The following BRPF1 variants were observed in gnomAD, a reference collection of about 807,000 sequenced individuals.
The protein encoded by BRPF1 is bromodomain and PHD finger containing 1.
A neutral mutation model predicts 115.0 loss-of-function variants in BRPF1; 15 were observed. The ratio of observed to expected loss-of-function variants is 0.13; its 90% CI spans 0.09 to 0.20. BRPF1 has a LOEUF of 0.20. Ranked by LOEUF, BRPF1 falls within the 10% of genes least tolerant of loss-of-function variation. BRPF1 has a pLI of 1.00. For missense variants in BRPF1, 1,118 were observed against 1,638.3 expected, an observed-to-expected ratio of 0.68 and a Z score of 5.48; for synonymous variants, 647 against 619.8, an observed-to-expected ratio of 1.04 and a Z score of -0.65.
Position 9,739,681 on chromosome 3 carries a change from G to C in BRPF1, c.1282G>C (p.Glu428Gln). Residue 428 changes from glutamate (E) to glutamine (Q), a missense_variant, in exon 3 of 14, where the codon GAG (glutamate) becomes CAG (glutamine). By Grantham distance (29) the Glu-to-Gln change is conservative. Transcript: ENST00000383829. ...GLYMKMEPVR[E>Q]TGANGTSFSV... The stretch of plus-strand genomic sequence containing the variant: ...TTACATGAAGATGGAGCCTGTGCGG[G>C]AGACAGGCGCCAACGGCACCTCTTT... 1 of 1,613,324 alleles carries C rather than the reference G, an allele frequency of 6.2e-7. No individual in the cohort carries two copies. Among genetic ancestry groups the C allele is most frequent in the Non-Finnish European group, 8.5e-7 (1 of 1,179,242 alleles).
Position 9,743,721 on chromosome 3 carries a change from A to G in BRPF1, c.2455A>G (p.Lys819Glu). The change falls in exon 8 of 14, where the codon AAG (lysine) becomes GAG (glutamate). Residue 819 changes from lysine to glutamate, a missense_variant. Coordinates refer to ENST00000383829, the MANE Select transcript of BRPF1 (RefSeq NM_001003694.2). The surrounding 1 kb of genome is among the most constrained non-coding windows in gnomAD (Gnocchi z 6.1). ...VGRSRRAKMI[K>E]KEMTALRRKL... is the part of the protein sequence containing the mutation. The stretch of plus-strand genomic sequence containing the variant: ...CCGCTCACGGCGTGCAAAGATGATC[A>G]AGAAAGAGATGACGGCACTGCGGCG... The G allele has an allele frequency of 6.2e-7, 1 of 1,614,184 alleles. No homozygotes were observed.
intron 6 of BRPF1, chr3:9,742,532 T>G: frequency 5.1e-6 from 5 of 985,402 alleles, no homozygotes; most frequent in Non-Finnish European, 6.0e-6. Flanking sequence ...CAGACTCTTC[T>G]CTCTAAAAGG....
At chr3:9,736,372 C>T (rs2076942325) in intron 2 of BRPF1, among the ~76,000 whole-genome samples, 1 of 152,186 alleles carries the variant, frequency 6.6e-6, no homozygotes, top group African/African-American at 2.4e-5. Flanking sequence ...TTCTTCTCTC[C>T]ACTGTTTGAG....
chr3:9,742,879 G>C, intron 6 of BRPF1, 65 bp from the exon 7 acceptor site: 1 of 1,533,318 alleles, frequency 6.5e-7, no homozygotes, highest in Non-Finnish European at 8.9e-7. Context: ...GGGCTTGTTA[G>C]GAGCAGGGTT....
chr3:9,744,058 C>G (rs1490753020), intron 8 of BRPF1, among the ~76,000 whole-genome samples, 157 bp downstream of exon 8: 1 of 152,242 alleles, frequency 6.6e-6, no homozygotes, highest in Non-Finnish European at 1.5e-5. Flanking sequence ...AGCTGCCTCT[C>G]TGGCTATTTG....
intron 4 of BRPF1, 110 bp from the exon 5 acceptor site, chr3:9,741,198 T>A (rs927011460): frequency 5.9e-6 from 8 of 1,357,834 alleles, no homozygotes; most frequent in Non-Finnish European, 8.0e-6. Context: ...TACCAATAAA[T>A]TACTGTGCTC....
At chr3:9,746,222 T>C (rs1456516996) in intron 12 of BRPF1, 78 bp from the exon 13 acceptor site, 27 of 1,468,556 alleles carry the variant, frequency 1.8e-5, no homozygotes, top group Middle Eastern at 2.1e-4. Context: ...ACTTCAGACA[T>C]ACTCTCTAAG....
At chr3:9,741,717 G>A (rs1575160085) in intron 5 of BRPF1, among the ~76,000 whole-genome samples, 1 of 152,062 alleles carries the variant, frequency 6.6e-6, no homozygotes, top group Non-Finnish European at 1.5e-5. Flanking sequence ...TGACGCTGGA[G>A]TCAGGTCTCC....
chr3:9,736,851 T>C (rs1052223737), intron 2 of BRPF1, among the ~76,000 whole-genome samples: 1 of 152,214 alleles, frequency 6.6e-6, no homozygotes, highest in African/African-American at 2.4e-5. Context: ...ATATGCTTCC[T>C]TGAGGGGGAG....
At position 9,743,224 on chromosome 3, in the gene BRPF1, G is replaced by C. The variant is rs2077061744; in HGVS notation, c.2282G>C (p.Gly761Ala). 6.2e-7 allele frequency: 1 copy of C among 1,613,886 alleles called. No individual in the cohort carries two copies. Among genetic ancestry groups the C allele is most frequent in the Non-Finnish European group, 8.5e-7 (1 of 1,179,930 alleles). ...ATGCATATCCCCCACAGCCTGGCTG[G>C]AGATGAGGCCACACACCACACTGAA... Reference protein sequence around the residue: ...TGMHIPHSLAGDEATHHTEDA... With the variant: ...TGMHIPHSLAADEATHHTEDA... Residue 761 changes from glycine (G) to alanine (A), a missense_variant, in exon 7 of 14, where the codon GGA becomes GCA. Gly to Ala is a moderately conservative substitution (Grantham distance 60). This residue lies in a region of BRPF1 where 223 missense variants were observed against 240.7 expected (regional missense o/e 0.93). Coordinates refer to ENST00000383829, the MANE Select transcript of BRPF1 (RefSeq NM_001003694.2). This position sits in a 1 kb window ranked among gnomAD's most constrained non-coding sequence, Gnocchi z 6.1.
intron 9 of BRPF1, 69 bp downstream of exon 9, chr3:9,744,577 A>C: frequency 8.3e-7 from 1 of 1,205,320 alleles, no homozygotes; most frequent in Non-Finnish European, 1.1e-6. Flanking sequence ...GCATACTCCC[A>C]GTTACCCCTT....
At position 9,744,437 on chromosome 3, in the gene BRPF1, G is replaced by A. The variant is rs1378593989; in HGVS notation, c.2849G>A (p.Arg950Gln). The change falls in exon 9 of 14, where the codon CGG becomes CAG. Residue 950 changes from arginine to glutamine, a missense_variant. Arg to Gln is a conservative substitution (Grantham distance 43, BLOSUM62 1). Around this residue, in one of 10 missense-constraint regions of BRPF1, gnomAD observed 92 missense variants for 102.2 expected, o/e 0.90. Coordinates refer to ENST00000383829, the MANE Select transcript of BRPF1 (RefSeq NM_001003694.2). ...PIMSSLRQRK[R>Q]GRSPRPSSSS... ...ATGAGTTCCCTGCGTCAGCGCAAGC[G>A]GGGTAGGAGCCCCCGGCCCAGTTCG... is the stretch of plus-strand genomic sequence containing the variant. 2.4e-5 allele frequency: 38 copies of A among 1,605,844 alleles called. 1 individual carries two copies. Among genetic ancestry groups the A allele is most frequent in the Middle Eastern group, 1.7e-4 (1 of 6,026 alleles).
intron 2 of BRPF1, 149 bp from the exon 3 acceptor site, chr3:9,738,850 A>C (rs1445137990): frequency 1.5e-5 from 10 of 666,106 alleles, no homozygotes; most frequent in Non-Finnish European, 2.4e-5. Context: ...GATAGTACCT[A>C]TAATATCTGG....
At position 9,743,722 on chromosome 3, in the gene BRPF1, A is replaced by C. The variant is rs1290225119; in HGVS notation, c.2456A>C (p.Lys819Thr). ...CGCTCACGGCGTGCAAAGATGATCAAGAAAGAGATGACGGCACTGCGGCGG... is the reference window on the plus strand; with the variant it reads ...CGCTCACGGCGTGCAAAGATGATCACGAAAGAGATGACGGCACTGCGGCGG... ...VGRSRRAKMI[K>T]KEMTALRRKL... Residue 819 changes from lysine to threonine, a missense_variant, in exon 8 of 14, where the codon AAG becomes ACG. Around this residue, in one of 10 missense-constraint regions of BRPF1, gnomAD observed 223 missense variants for 240.7 expected, o/e 0.93. Coordinates refer to ENST00000383829, the MANE Select transcript of BRPF1 (RefSeq NM_001003694.2). This position sits in a 1 kb window ranked among gnomAD's most constrained non-coding sequence, Gnocchi z 6.1. 6.2e-7 allele frequency: 1 copy of C among 1,614,210 alleles called. No individual in the cohort carries two copies. The highest frequency in any genetic ancestry group is 1.3e-5 in the African/African-American group (1 of 75,078).
chr3:9,736,703 T>G (rs1035086525), intron 2 of BRPF1, among the ~76,000 whole-genome samples: 1 of 152,250 alleles, frequency 6.6e-6, no homozygotes, highest in African/African-American at 2.4e-5. Context: ...TGCAAACAAC[T>G]GAGATGTGTA....
In BRPF1 at chr3:9,734,457, G is replaced by T; in HGVS notation, c.317G>T (p.Arg106Leu). 1 of 1,614,156 alleles carries T rather than the reference G, an allele frequency of 6.2e-7. No homozygotes were observed. The highest frequency in any genetic ancestry group is 8.5e-7 in the Non-Finnish European group (1 of 1,180,032). Reference protein sequence around the residue: ...QRMVEVDLHGRVHRISIFDNL... With the variant: ...QRMVEVDLHGLVHRISIFDNL... ...ATGGTGGAGGTGGACTTGCATGGCC[G>T]CGTCCACCGCATCAGCATCTTTGAC... is the stretch of plus-strand genomic sequence containing the variant. Residue 106 changes from arginine (R) to leucine (L), a missense_variant, in exon 2 of 14, where the codon CGC becomes CTC. Arg to Leu is a moderately radical substitution (Grantham distance 102, BLOSUM62 -2). This residue lies in a region of BRPF1 where 280 missense variants were observed against 382.8 expected (regional missense o/e 0.73). Coordinates refer to ENST00000383829, the MANE Select transcript of BRPF1 (RefSeq NM_001003694.2). This position sits in a 1 kb window ranked among gnomAD's most constrained non-coding sequence, Gnocchi z 5.7.
intron 2 of BRPF1, 42 bp from the exon 3 acceptor site, chr3:9,738,957 A>G (rs2076985438): frequency 6.6e-7 from 1 of 1,517,488 alleles, no homozygotes; most frequent in Admixed American, 2.2e-5. Context: ...AAGGGAGGGA[A>G]ATCTCAACCA....
chr3:9,740,746 A>G, intron 3 of BRPF1, 33 bp from the exon 4 acceptor site: 1 of 1,609,374 alleles, frequency 6.2e-7, no homozygotes, highest in Non-Finnish European at 8.5e-7. Context: ...ATCAGGGCCC[A>G]ACAAGTTTTA....
chr3:9,745,990 G>A lies in BRPF1; in HGVS notation c.3324+60G>A. 1 of 1,549,400 alleles carries A rather than the reference G, an allele frequency of 6.5e-7. No homozygotes were observed. Among genetic ancestry groups the A allele is most frequent in the Non-Finnish European group, 8.8e-7 (1 of 1,137,420 alleles). On this transcript the variant is annotated intron_variant, in intron 12 of 13. Transcript: ENST00000383829. This position sits in a 1 kb window ranked among gnomAD's most constrained non-coding sequence, Gnocchi z 5.1. ...ATCCCAGAATACAGATTCACAGTTA[G>A]CAGACTTTTCCTACTCCCTGCTGAG...
Sources: gnomAD v4.1 joint callset for allele counts (sites outside exome capture counted in the v4.1 genomes callset) on GRCh38, gnomAD v4.1.1 for gene constraint, gnomAD v4.1.1 regional missense constraint, Gnocchi (gnomAD v3.1) non-coding constraint, MANE v1.5 for transcripts, NCBI Gene and HGNC (gene_info 2026-07-23, HGNC 2026-07-21) for gene names.